The following SLC24A4 variants were observed in gnomAD, a reference collection of about 807,000 sequenced individuals.
SLC24A4 encodes sodium/potassium/calcium exchanger 4.
SLC24A4 carries 53 observed loss-of-function variants against 79.0 expected under a neutral mutation model. The observed-to-expected ratio is 0.67, with a 90% CI of 0.54 to 0.84. The LOEUF is 0.84. SLC24A4 is among the 40% of genes least tolerant of loss of function. The pLI is 0.00. For missense variants in SLC24A4, 731 were observed against 822.0 expected, an observed-to-expected ratio of 0.89 and a Z score of 1.35; for synonymous variants, 323 against 323.8, an observed-to-expected ratio of 1.00 and a Z score of 0.03.
intron 14 of SLC24A4, among the ~76,000 whole-genome samples, chr14:92,489,854 G>A (rs767846658): frequency 2.6e-5 from 4 of 152,266 alleles, no homozygotes; most frequent in South Asian, 4.2e-4. Context: ...CTGACCTGCC[G>A]GAGTGCCTGC....
intron 2 of SLC24A4, among the ~76,000 whole-genome samples, chr14:92,409,267 C>T (rs1890570872): frequency 6.6e-6 from 1 of 152,168 alleles, no homozygotes; most frequent in African/African-American, 2.4e-5. Flanking sequence ...GGAGAATGGA[C>T]CTAGGGAAGG....
At chr14:92,322,972 G>A (rs1375988566), upstream of SLC24A4, among the ~76,000 whole-genome samples, 2 of 152,142 alleles carry the variant, frequency 1.3e-5, no homozygotes, top group Non-Finnish European at 2.9e-5. Context: ...CCATATGGAA[G>A]AAAGGAGAGA....
chr14:92,496,624 C>T lies in SLC24A4; in HGVS notation c.*2996C>T, dbSNP rs927451646. 1 of 152,088 alleles carries T rather than the reference C, an allele frequency of 6.6e-6. No homozygotes were observed. The highest frequency in any genetic ancestry group is 1.5e-5 in the Non-Finnish European group (1 of 68,030). 9.4% of individuals were successfully genotyped at this position (152,088 alleles called of 1,614,324 possible). ...TGTCCAGTATCTTGAAAACCTGGCC[C>T]TGGAGGAAGGTTCTGGGTCAGCTGC... is the stretch of plus-strand genomic sequence containing the variant. On this transcript the variant is annotated 3_prime_UTR_variant, in exon 17 of 17. Transcript: ENST00000532405.
At chr14:92,483,717 C>G (rs75541565) in intron 13 of SLC24A4, 208,746 of 1,289,182 alleles carry the variant, frequency 0.16, 17,949 homozygotes, top group East Asian at 0.31. Context: ...TCTTCTCCTC[C>G]TCATTCCCAG....
Position 92,474,852 on chromosome 14 carries a change from T to TATATAG in SLC24A4, c.1256-7823_1256-7822insGATATA, listed in dbSNP as rs1325738211. ...ATATGTGTGTGTGTGTGTATATATA[T>TATATAG]ATATATATATATTTTTTTTTTTTTT... On this transcript the variant is annotated intron_variant, in intron 12 of 16. Transcript: ENST00000532405. Among the ~76,000 whole-genome samples the TATATAG allele has an allele frequency of 2.0e-3, 120 of 60,596 alleles. 5 individuals are homozygous for TATATAG. Among genetic ancestry groups the TATATAG allele is most frequent in the South Asian group, 5.2e-3 (10 of 1,910 alleles). 39.8% of individuals were successfully genotyped at this position (60,596 alleles called of 152,430 possible). A position where few individuals can be genotyped will look rare whatever the true frequency, so the allele number is the denominator to read the frequency against.
At chr14:92,458,785 G>A (rs1328974295) in intron 12 of SLC24A4, among the ~76,000 whole-genome samples, 11 of 152,210 alleles carry the variant, frequency 7.2e-5, no homozygotes. Context: ...TCCACGTGGG[G>A]CTGGGGAAAG....
intron 2 of SLC24A4, among the ~76,000 whole-genome samples, chr14:92,411,512 C>T (rs975064880): frequency 4.6e-5 from 7 of 152,158 alleles, no homozygotes; most frequent in Admixed American, 6.5e-5. Context: ...TACTGAAACA[C>T]GTCTATAGTT....
In SLC24A4 at chr14:92,439,093, G is replaced by A. The variant is rs78728913; in HGVS notation, c.319-242G>A. Among the ~76,000 whole-genome samples, 625 of 152,334 alleles carry A rather than the reference G, an allele frequency of 4.1e-3. 3 individuals are homozygous for A. The highest frequency in any genetic ancestry group is 0.014 in the African/African-American group (601 of 41,568). On this transcript the variant is annotated intron_variant, in intron 3 of 16. Coordinates refer to ENST00000532405, the MANE Select transcript of SLC24A4 (RefSeq NM_153646.4). ...TATTAGATCACAAGAGGAATGAGCC[G>A]CAGTGGCCTGAGTTTTCATCCCCTC...
chr14:92,443,321 G>A (rs956995593), intron 6 of SLC24A4, 79 bp from the exon 7 acceptor site: 16 of 1,356,284 alleles, frequency 1.2e-5, no homozygotes, highest in South Asian at 7.1e-5. Flanking sequence ...CCTGCACTGC[G>A]GGGGGAGGAG....
intron 12 of SLC24A4, among the ~76,000 whole-genome samples, chr14:92,459,994 G>T (rs560185156): frequency 3.0e-4 from 46 of 152,262 alleles, no homozygotes; most frequent in African/African-American, 9.1e-4. Context: ...AAGCTGGGGC[G>T]CTGGAAGGAA....
At chr14:92,352,291 A>G (rs938756855) in intron 2 of SLC24A4, among the ~76,000 whole-genome samples, 1 of 152,206 alleles carries the variant, frequency 6.6e-6, no homozygotes, top group African/African-American at 2.4e-5. Flanking sequence ...GATACATTAG[A>G]CAAGTAGGAG....
intron 8 of SLC24A4, among the ~76,000 whole-genome samples, chr14:92,445,908 G>A (rs892597944): frequency 6.6e-6 from 1 of 152,194 alleles, no homozygotes; most frequent in Non-Finnish European, 1.5e-5. Flanking sequence ...TCCTAATTAA[G>A]ATACATAGCC....
chr14:92,449,678 T>C (rs1335981242), intron 10 of SLC24A4, among the ~76,000 whole-genome samples: 7 of 152,138 alleles, frequency 4.6e-5, no homozygotes, highest in Admixed American at 3.3e-4. Context: ...GGACAAAGCA[T>C]GGGTTCTCGG....
At chr14:92,362,857 C>T (rs1012034082) in intron 2 of SLC24A4, among the ~76,000 whole-genome samples, 4 of 152,188 alleles carry the variant, frequency 2.6e-5, no homozygotes, top group Non-Finnish European at 4.4e-5. Context: ...CAGCTCCGGG[C>T]GGGATCAGGC....
intron 16 of SLC24A4, among the ~76,000 whole-genome samples, 170 bp from the exon 17 acceptor site, chr14:92,493,306 C>G (rs1190045446): frequency 6.6e-6 from 1 of 152,182 alleles, no homozygotes; most frequent in Non-Finnish European, 1.5e-5. Context: ...AGTCTAAGCC[C>G]TCTAGGGCTT....
chr14:92,440,344 A>C (rs149228477), intron 4 of SLC24A4, among the ~76,000 whole-genome samples: 312 of 152,308 alleles, frequency 2.0e-3, no homozygotes, highest in African/African-American at 7.0e-3. Flanking sequence ...GGTGAGGAAC[A>C]GAGTCCAGAA....
intron 2 of SLC24A4, among the ~76,000 whole-genome samples, chr14:92,412,263 A>T (rs1466554397): frequency 2.6e-5 from 4 of 151,826 alleles, no homozygotes; most frequent in Non-Finnish European, 5.9e-5. Flanking sequence ...CCCGAAACGC[A>T]TCTATAGTTG....
At chr14:92,472,499 G>A (rs749779564) in intron 12 of SLC24A4, among the ~76,000 whole-genome samples, 1 of 152,116 alleles carries the variant, frequency 6.6e-6, no homozygotes, top group Non-Finnish European at 1.5e-5. Context: ...AACATACGAT[G>A]TTTGGTTTTC....
intron 13 of SLC24A4, among the ~76,000 whole-genome samples, chr14:92,483,371 C>T (rs1434514454): frequency 2.0e-5 from 3 of 152,148 alleles, no homozygotes; most frequent in Non-Finnish European, 4.4e-5. Flanking sequence ...CTCCATCTAA[C>T]GAATGGGGGA....
Sources: gnomAD v4.1 joint callset for allele counts (sites outside exome capture counted in the v4.1 genomes callset) on GRCh38, gnomAD v4.1.1 for gene constraint, MANE v1.5 for transcripts, NCBI Gene and HGNC (gene_info 2026-07-23, HGNC 2026-07-21) for gene names.